TOP3A: variants seen among roughly 807,000 people sequenced by gnomAD.
The protein encoded by TOP3A is DNA topoisomerase III alpha.
Under a neutral mutation model 111.3 loss-of-function variants are expected in TOP3A, and 64 were observed. The ratio of observed to expected loss-of-function variants is 0.57; its 90% CI spans 0.47 to 0.71. The LOEUF is 0.71. TOP3A is among the 30% of genes least tolerant of loss of function. The pLI is 0.00. For missense variants in TOP3A, 1,104 were observed against 1,285.0 expected, an observed-to-expected ratio of 0.86 and a Z score of 2.15; for synonymous variants, 484 against 485.1, an observed-to-expected ratio of 1.00 and a Z score of 0.03.
At chr17:18,310,767 A>G (rs1014671171) in intron 1 of TOP3A, among the ~76,000 whole-genome samples, 3 of 152,216 alleles carry the variant, frequency 2.0e-5, no homozygotes, top group East Asian at 3.9e-4. Context: ...AAAATGGTCA[A>G]TTTTCTGTGC....
In TOP3A at chr17:18,314,832, G is replaced by C. The variant is rs1307251513; in HGVS notation, c.-54C>G. The C allele has an allele frequency of 2.1e-6, 3 of 1,447,672 alleles. No individual in the cohort carries two copies. The highest frequency in any genetic ancestry group is 2.7e-6 in the Non-Finnish European group (3 of 1,098,028). 89.7% of individuals were successfully genotyped at this position (1,447,672 alleles called of 1,614,324 possible). The stretch of plus-strand genomic sequence containing the variant: ...CCGGCTGCCGGCGCATCCTGGGGAA[G>C]CCAGAGATGAGGCTCAAATGGCGCC... On this transcript the variant is annotated 5_prime_UTR_variant, in exon 1 of 19. Coordinates refer to ENST00000321105, the MANE Select transcript of TOP3A (RefSeq NM_004618.5).
intron 4 of TOP3A, among the ~76,000 whole-genome samples, chr17:18,306,038 T>C (rs1367529509): frequency 6.6e-6 from 1 of 151,246 alleles, no homozygotes; most frequent in Non-Finnish European, 1.5e-5. Flanking sequence ...CCCATCTCTG[T>C]TAAAAATGCA....
intron 3 of TOP3A, chr17:18,307,402 G>A (rs1454189135): frequency 6.4e-6 from 1 of 155,286 alleles, no homozygotes; most frequent in African/African-American, 2.4e-5. Flanking sequence ...ATCGAGACTA[G>A]CCTGGCTAAC....
At position 18,298,252 on chromosome 17, in the gene TOP3A, A is replaced by G. The variant is rs531670241; in HGVS notation, c.990+1307T>C. On this transcript the variant is annotated intron_variant, in intron 9 of 18. Transcript: ENST00000321105. The stretch of plus-strand genomic sequence containing the variant: ...CAGCCGCGCCGTCTGAGAAGTGAGA[A>G]GCCCCTCCGCCCAGCAGCCACCCCG... Among the ~76,000 whole-genome samples the G allele has an allele frequency of 5.2e-3, 750 of 145,234 alleles. 6 individuals are homozygous for G. Among genetic ancestry groups the G allele is most frequent in the Non-Finnish European group, 8.2e-3 (546 of 66,480 alleles).
chr17:18,297,223 C>T (rs1980867104), intron 9 of TOP3A, among the ~76,000 whole-genome samples: 1 of 152,084 alleles, frequency 6.6e-6, no homozygotes, highest in Non-Finnish European at 1.5e-5. Context: ...GTCAGAAGTT[C>T]GAGACCAGCC....
chr17:18,280,660 T>C lies in TOP3A; in HGVS notation c.2022-2A>G, dbSNP rs1184285414. On this transcript the variant is annotated splice_acceptor_variant, in intron 16 of 18. Transcript: ENST00000321105. LOFTEE classifies it high-confidence loss of function. ...AAACCCATGCAGCTGAGGTAGAACCTGGGGACAAAGTGCCATGTCAGATGA... is the reference window on the plus strand; with the variant it reads ...AAACCCATGCAGCTGAGGTAGAACCCGGGGACAAAGTGCCATGTCAGATGA... 2 of 1,613,924 alleles carry C rather than the reference T, an allele frequency of 1.2e-6. No individual in the cohort carries two copies. The highest frequency in any genetic ancestry group is 1.7e-5 in the Admixed American group (1 of 60,020).
At chr17:18,314,567 G>A (rs774845329) in intron 1 of TOP3A, 32 bp downstream of exon 1, 11 of 1,583,708 alleles carry the variant, frequency 6.9e-6, no homozygotes, top group Non-Finnish European at 9.5e-6. Flanking sequence ...CCTCCCTTAA[G>A]GCACGCAGCT....
intron 8 of TOP3A, among the ~76,000 whole-genome samples, chr17:18,300,291 G>A (rs1981146975): frequency 6.6e-6 from 1 of 152,026 alleles, no homozygotes; most frequent in Non-Finnish European, 1.5e-5. Flanking sequence ...CTACTGGGGA[G>A]GCTGAGGCAG....
intron 13 of TOP3A, among the ~76,000 whole-genome samples, chr17:18,288,124 TTAA>T (rs1980224347): frequency 1.7e-5 from 2 of 116,196 alleles, no homozygotes; most frequent in Non-Finnish European, 3.4e-5. Flanking sequence ...AATAAAGCTG[TTAA>T]TAATTATATA....
intron 1 of TOP3A, among the ~76,000 whole-genome samples, chr17:18,310,796 C>T (rs1280001507): frequency 6.6e-6 from 1 of 152,184 alleles, no homozygotes; most frequent in Admixed American, 6.6e-5. Flanking sequence ...ACTCAACCTA[C>T]ATGGCTCTCT....
At chr17:18,282,572 T>C (rs1979823780) in intron 16 of TOP3A, 126 bp downstream of exon 16, 5 of 1,353,098 alleles carry the variant, frequency 3.7e-6, no homozygotes, top group Admixed American at 1.9e-5. Flanking sequence ...ACACCTTGCC[T>C]GCAGGTTGGC....
chr17:18,305,490 G>GCA (rs1567750630), intron 4 of TOP3A, among the ~76,000 whole-genome samples: 1 of 124,080 alleles, frequency 8.1e-6, no homozygotes, highest in African/African-American at 2.8e-5. Context: ...ACACACACGC[G>GCA]CGCGCGCGCG....
chr17:18,271,736 C>G lies in TOP3A; in HGVS notation c.*3066G>C. 2.3e-6 allele frequency: 1 copy of G among 441,598 alleles called. No homozygotes were observed. Among genetic ancestry groups the G allele is most frequent in the Non-Finnish European group, 4.6e-6 (1 of 218,440 alleles). 27.4% of individuals were successfully genotyped at this position (441,598 alleles called of 1,614,324 possible). A position where few individuals can be genotyped will look rare whatever the true frequency, so the allele number is the denominator to read the frequency against. On this transcript the variant is annotated 3_prime_UTR_variant, in exon 19 of 19. Coordinates refer to ENST00000321105, the MANE Select transcript of TOP3A (RefSeq NM_004618.5). ...CAGAAACTATTAAGAACTCCTACAA[C>G]TCAACAACAAAGACAGACAACACAA...
At chr17:18,296,184 T>C (rs1980791419) in intron 9 of TOP3A, among the ~76,000 whole-genome samples, 1 of 152,184 alleles carries the variant, frequency 6.6e-6, no homozygotes, top group Non-Finnish European at 1.5e-5. Flanking sequence ...GTGAAAATAA[T>C]GAGCTGTTCT....
At chr17:18,302,234 C>T in intron 7 of TOP3A, 30 bp downstream of exon 7, 1 of 1,581,112 alleles carries the variant, frequency 6.3e-7, no homozygotes, top group Non-Finnish European at 8.6e-7. Context: ...CCCATAGGTC[C>T]CAGGCCATAA....
At chr17:18,308,708 A>G in intron 2 of TOP3A, 174 bp downstream of exon 2, 1 of 488,016 alleles carries the variant, frequency 2.0e-6, no homozygotes, top group Non-Finnish European at 3.6e-6. Flanking sequence ...ATGGGACCAT[A>G]TTTTATTAAA....
chr17:18,282,988 A>G (rs1003432833), intron 15 of TOP3A, 147 bp from the exon 16 acceptor site: 27 of 1,039,226 alleles, frequency 2.6e-5, no homozygotes, highest in Non-Finnish European at 3.6e-5. Flanking sequence ...GACGGCAGAC[A>G]GAAGACTGAG....
chr17:18,291,010 C>G lies in TOP3A; in HGVS notation c.1299G>C (p.Leu433=). The change falls in exon 12 of 19, where the codon CTG becomes CTC. Residue 433 remains leucine (L), a synonymous_variant. Coordinates refer to ENST00000321105, the MANE Select transcript of TOP3A (RefSeq NM_004618.5). ...GGAAATGGCGAACAATAAACTCGTA[C>G]AGTCGCTGTTCATCTCCCTAGGAAG... ...TNNLQGDEQR[L]YEFIVRHFLA... 1 of 1,614,168 alleles carries G rather than the reference C, an allele frequency of 6.2e-7. No homozygotes were observed. The highest frequency in any genetic ancestry group is 1.7e-5 in the Admixed American group (1 of 60,016).
In TOP3A at chr17:18,302,683, C is replaced by T. The variant is rs748782715; in HGVS notation, c.540G>A (p.Glu180=). 1.2e-5 allele frequency: 19 copies of T among 1,614,008 alleles called. No individual in the cohort carries two copies. The highest frequency in any genetic ancestry group is 4.2e-6 in the Non-Finnish European group (5 of 1,179,998). The part of the protein sequence containing the change: ...NLQVLRARFS[E]ITPHAVRTAC... ...CTGTCCTGACGGCATGGGGTGTGAT[C>T]TCAGAGAATCGGGCTCGCAACACCT... Residue 180 remains glutamate (E), a synonymous_variant, in exon 6 of 19, where the codon GAG becomes GAA. Transcript: ENST00000321105.
Sources: allele counts gnomAD v4.1 joint callset (sites outside exome capture counted in the v4.1 genomes callset), GRCh38; gene constraint gnomAD v4.1.1; transcripts MANE v1.5; gene names NCBI Gene and HGNC (gene_info 2026-07-23, HGNC 2026-07-21).